Variants in TMEM135 observed in about 807,000 individuals in gnomAD.
TMEM135 encodes transmembrane protein 135, also known as peroxisomal membrane protein 52.
Under a neutral mutation model 60.3 loss-of-function variants are expected in TMEM135, and 30 were observed. The ratio of observed to expected loss-of-function variants is 0.50; its 90% CI spans 0.37 to 0.68. The LOEUF is 0.68. Among genes scored for constraint, TMEM135 ranks in the 30% least tolerant of loss-of-function variants. The pLI is 0.00. For synonymous variants in TMEM135, 190 were observed against 186.7 expected, an observed-to-expected ratio of 1.02 and a Z score of -0.14; for missense variants, 468 against 548.8, an observed-to-expected ratio of 0.85 and a Z score of 1.47.
intron 6 of TMEM135, among the ~76,000 whole-genome samples, chr11:87,246,701 A>G (rs575383915): frequency 2.8e-5 from 4 of 142,602 alleles, no homozygotes; most frequent in South Asian, 2.4e-4. Context: ...TTTCAGCTCC[A>G]TCAGCTCCTT....
chr11:87,059,077 A>G (rs1949921260), intron 1 of TMEM135, among the ~76,000 whole-genome samples: 1 of 151,920 alleles, frequency 6.6e-6, no homozygotes, highest in Admixed American at 6.6e-5. Context: ...AGCTGGGATT[A>G]CAGGCACCCA....
chr11:87,170,091 G>A (rs565920761), intron 5 of TMEM135, among the ~76,000 whole-genome samples: 2 of 151,708 alleles, frequency 1.3e-5, no homozygotes, highest in Admixed American at 6.6e-5. Flanking sequence ...ATTGATATGT[G>A]TTTATGCTTC....
chr11:87,115,472 C>T, intron 4 of TMEM135, among the ~76,000 whole-genome samples: 1 of 152,102 alleles, frequency 6.6e-6, no homozygotes, highest in East Asian at 1.9e-4. Flanking sequence ...ATGCCAGTCC[C>T]TCTTTAAGTA....
rs994104548 is a variant in TMEM135 at position 87,324,046 on chromosome 11, T to C, written c.*2713T>C. 2 of 454,000 alleles carry C rather than the reference T, an allele frequency of 4.4e-6. No homozygotes were observed. The highest frequency in any genetic ancestry group is 4.0e-5 in the African/African-American group (2 of 50,018). 28.1% of individuals were successfully genotyped at this position (454,000 alleles called of 1,614,324 possible). On this transcript the variant is annotated 3_prime_UTR_variant, in exon 15 of 15. Coordinates refer to ENST00000305494, the MANE Select transcript of TMEM135 (RefSeq NM_022918.4). ...TAATGAACTTTTATTAGACTGAACATGTATGTTTTTGATGGAATCCAAACT... is the reference window on the plus strand; with the variant it reads ...TAATGAACTTTTATTAGACTGAACACGTATGTTTTTGATGGAATCCAAACT...
intron 4 of TMEM135, among the ~76,000 whole-genome samples, chr11:87,138,389 C>T (rs1938167618): frequency 6.6e-6 from 1 of 152,144 alleles, no homozygotes; most frequent in Non-Finnish European, 1.5e-5. Context: ...CTGCGCCCAG[C>T]TCCAAATTGA....
At chr11:87,060,219 C>CT (rs373054350) in intron 1 of TMEM135, among the ~76,000 whole-genome samples, 55 of 152,228 alleles carry the variant, frequency 3.6e-4, no homozygotes, top group African/African-American at 1.3e-3. Flanking sequence ...GGAATTAATT[C>CT]TTTTTATTTG....
chr11:87,246,324 T>A (rs1345094841), intron 6 of TMEM135, among the ~76,000 whole-genome samples: 5 of 150,390 alleles, frequency 3.3e-5, no homozygotes, highest in Non-Finnish European at 5.9e-5. Context: ...CTGACAATTA[T>A]GTGTCTTGGA....
At chr11:87,126,038 T>C (rs1003190547) in intron 4 of TMEM135, among the ~76,000 whole-genome samples, 1 of 152,204 alleles carries the variant, frequency 6.6e-6, no homozygotes, top group Non-Finnish European at 1.5e-5. Flanking sequence ...AACAGTGATA[T>C]CAAGGAACAA....
chr11:87,211,804 C>T (rs941979945), intron 5 of TMEM135, among the ~76,000 whole-genome samples: 2 of 151,890 alleles, frequency 1.3e-5, no homozygotes, highest in Non-Finnish European at 2.9e-5. Flanking sequence ...ATTAGCTGGG[C>T]GTGGTGGCAG....
In TMEM135 at chr11:87,086,656, A is replaced by G. The variant is rs113925000; in HGVS notation, c.363-4706A>G. Among the ~76,000 whole-genome samples, 504 of 152,210 alleles carry G rather than the reference A, an allele frequency of 3.3e-3. 5 individuals are homozygous for G. Among genetic ancestry groups the G allele is most frequent in the African/African-American group, 0.011 (476 of 41,524 alleles). The stretch of plus-strand genomic sequence containing the variant: ...TTGTGAGTATGCAAAAAAGTTTAAA[A>G]CAAAGACTACTCAAAGGTGGGCATG... On this transcript the variant is annotated intron_variant, in intron 3 of 14. Transcript: ENST00000305494.
At chr11:87,277,413 G>A in intron 6 of TMEM135, 1 of 215,940 alleles carries the variant, frequency 4.6e-6, no homozygotes, top group South Asian at 4.6e-5. Flanking sequence ...TTACAGGTGT[G>A]AGCCACTGTG....
intron 4 of TMEM135, among the ~76,000 whole-genome samples, chr11:87,102,829 T>C (rs1188557294): frequency 6.6e-6 from 1 of 151,664 alleles, no homozygotes; most frequent in Non-Finnish European, 1.5e-5. Context: ...TTAGCTATAA[T>C]ATATTTTGAA....
chr11:87,207,849 G>A (rs1005398522), intron 5 of TMEM135, among the ~76,000 whole-genome samples: 9 of 152,156 alleles, frequency 5.9e-5, no homozygotes, highest in African/African-American at 2.2e-4. Flanking sequence ...CCAGTAGTCT[G>A]GGAGCACGTT....
At chr11:87,144,111 A>G (rs554473728) in intron 4 of TMEM135, among the ~76,000 whole-genome samples, 1 of 148,898 alleles carries the variant, frequency 6.7e-6, no homozygotes, top group Non-Finnish European at 1.5e-5. Context: ...ACCTGATTAA[A>G]AAAATTGGGA....
intron 5 of TMEM135, among the ~76,000 whole-genome samples, chr11:87,173,450 G>A (rs1472984123): frequency 6.6e-6 from 1 of 152,146 alleles, no homozygotes; most frequent in Non-Finnish European, 1.5e-5. Context: ...CTTTCAAAAA[G>A]TTTTATAGTC....
intron 4 of TMEM135, among the ~76,000 whole-genome samples, chr11:87,140,091 G>A (rs1938221805): frequency 6.6e-6 from 1 of 151,506 alleles, no homozygotes; most frequent in Non-Finnish European, 1.5e-5. Flanking sequence ...TGTTTGAGAT[G>A]GAGCCTCACT....
intron 4 of TMEM135, among the ~76,000 whole-genome samples, chr11:87,102,849 A>G (rs1591021105): frequency 6.6e-6 from 1 of 151,926 alleles, no homozygotes; most frequent in East Asian, 1.9e-4. Flanking sequence ...AATGTACATT[A>G]TGTCCTTATT....
intron 5 of TMEM135, among the ~76,000 whole-genome samples, chr11:87,165,967 C>T (rs561951526): frequency 5.6e-4 from 84 of 150,404 alleles, no homozygotes; most frequent in South Asian, 2.3e-3. Flanking sequence ...AACACCTCTA[C>T]GCGAATGAAC....
chr11:87,226,978 G>A (rs1390871885), intron 5 of TMEM135, among the ~76,000 whole-genome samples: 1 of 152,172 alleles, frequency 6.6e-6, no homozygotes, highest in Non-Finnish European at 1.5e-5. Context: ...GAACCTGGGA[G>A]GTGGAGGTTG....
Sources: allele counts gnomAD v4.1 joint callset (sites outside exome capture counted in the v4.1 genomes callset), GRCh38; gene constraint gnomAD v4.1.1; transcripts MANE v1.5; gene names NCBI Gene and HGNC (gene_info 2026-07-23, HGNC 2026-07-21).